Variants in GNPTAB observed in about 807,000 individuals in gnomAD.
GNPTAB encodes N-acetylglucosamine-1-phosphate transferase subunits alpha and beta, also known as N-acetylglucosamine-1-phosphotransferase subunits alpha/beta.
GNPTAB carries 92 observed loss-of-function variants against 136.6 expected under a neutral mutation model. The observed-to-expected ratio is 0.67, with a 90% CI of 0.57 to 0.80. GNPTAB has a LOEUF of 0.80. GNPTAB is among the 30% of genes least tolerant of loss of function. GNPTAB has a pLI of 0.00. For synonymous variants in GNPTAB, 512 were observed against 535.1 expected (o/e 0.96, Z 0.60); for missense variants, 1,343 against 1,501.8 (o/e 0.89, Z 1.75).
In GNPTAB at chr12:101,764,247, G is replaced by A. The variant is rs768648656; in HGVS notation, c.2670C>T (p.Gly890=). The A allele has an allele frequency of 9.3e-6, 15 of 1,613,912 alleles. No homozygotes were observed. Among genetic ancestry groups the A allele is most frequent in the Non-Finnish European group, 1.3e-5 (15 of 1,179,982 alleles). Residue 890 remains glycine (G), a synonymous_variant, in exon 13 of 21, where the codon GGC becomes GGT. Transcript: ENST00000299314. ...KLQHYTDSYL[G]FLPWEKKKYF... ...ACTTTTTTTTCTCCCATGGCAAAAA[G>A]CCCAAGTAACTATCTGTGTAATGCT...
chr12:101,796,080 C>T (rs1256022809), intron 2 of GNPTAB: 1 of 598,344 alleles, frequency 1.7e-6, no homozygotes, highest in Non-Finnish European at 3.0e-6. Context: ...TTGCTCCTCC[C>T]TCATAGGTAA....
chr12:101,830,326 TA>T, intron 1 of GNPTAB, among the ~76,000 whole-genome samples: 2 of 152,304 alleles, frequency 1.3e-5, no homozygotes, highest in Admixed American at 1.3e-4. Context: ...ACGTTTATGA[TA>T]AAGAATACTG....
At chr12:101,760,736 T>C (rs1214003508) in intron 15 of GNPTAB, among the ~76,000 whole-genome samples, 2 of 151,828 alleles carry the variant, frequency 1.3e-5, no homozygotes, top group East Asian at 1.9e-4. Context: ...TAAATTAAAA[T>C]ACGTAGGGGA....
chr12:101,824,432 A>ATATATATATATATT (rs1188582277), intron 1 of GNPTAB, among the ~76,000 whole-genome samples: 4 of 50,870 alleles, frequency 7.9e-5, no homozygotes, highest in African/African-American at 1.7e-4. Context: ...ATATATATAT[A>ATATATATATATATT]TTTTCTTTTT....
intron 2 of GNPTAB, among the ~76,000 whole-genome samples, chr12:101,794,156 T>C (rs1319512617): frequency 6.6e-6 from 1 of 152,200 alleles, no homozygotes; most frequent in South Asian, 2.1e-4. Flanking sequence ...AATAGTATTT[T>C]AGAACCAAAG....
At chr12:101,752,675 G>A (rs1221808934) in intron 19 of GNPTAB, among the ~76,000 whole-genome samples, 1 of 152,144 alleles carries the variant, frequency 6.6e-6, no homozygotes, top group Non-Finnish European at 1.5e-5. Flanking sequence ...CCACTTCTGA[G>A]ATTCTGCCTT....
intron 2 of GNPTAB, 148 bp from the exon 3 acceptor site, chr12:101,790,205 T>C: frequency 9.2e-7 from 1 of 1,089,600 alleles, no homozygotes; most frequent in African/African-American, 1.6e-5. Flanking sequence ...GAACTGCATG[T>C]TTTCAAACTG....
intron 1 of GNPTAB, among the ~76,000 whole-genome samples, chr12:101,818,461 TC>T: frequency 6.9e-6 from 1 of 144,970 alleles, no homozygotes; most frequent in Non-Finnish European, 1.5e-5. Flanking sequence ...CACCACAACC[TC>T]CATCTCCCAG....
rs1429557647 is a variant in GNPTAB, at chr12:101,830,795, C to G, written c.-120G>C. The G allele has an allele frequency of 2.2e-6, 1 of 446,082 alleles. No individual in the cohort carries two copies. The highest frequency in any genetic ancestry group is 4.7e-5 in the East Asian group (1 of 21,320). 27.6% of individuals were successfully genotyped at this position (446,082 alleles called of 1,614,324 possible). A position where few individuals can be genotyped will look rare whatever the true frequency, so the allele number is the denominator to read the frequency against. On this transcript the variant is annotated 5_prime_UTR_variant, in exon 1 of 21. Coordinates refer to ENST00000299314, the MANE Select transcript of GNPTAB (RefSeq NM_024312.5). ...GCCGCCGCGCGCAGGTCACAGCCTC[C>G]GGGCGCCGCTCATTGCAGCTCCGGC...
In GNPTAB at chr12:101,777,185, G is replaced by A. The variant is rs1289262782; in HGVS notation, c.771+2967C>T. On this transcript the variant is annotated intron_variant, in intron 7 of 20. Transcript: ENST00000299314. ...TGAGTGTTTCTCTCAGATGCTTCTG[G>A]AACCATTTCCATCGTTGGCATCCCA... Among the ~76,000 whole-genome samples the A allele has an allele frequency of 2.6e-5, 4 of 152,142 alleles. No homozygotes were observed. In the East Asian group the frequency reaches 7.7e-4, roughly 29 times the overall value.
intron 1 of GNPTAB, among the ~76,000 whole-genome samples, chr12:101,806,521 A>G (rs975326222): frequency 6.6e-6 from 1 of 152,212 alleles, no homozygotes; most frequent in African/African-American, 2.4e-5. Context: ...AACTAATGCC[A>G]CTGAGTTATA....
chr12:101,814,034 G>A (rs1299650280), intron 1 of GNPTAB, among the ~76,000 whole-genome samples: 3 of 150,754 alleles, frequency 2.0e-5, no homozygotes, highest in African/African-American at 4.9e-5. Context: ...AGCCGAGATC[G>A]CACCACTGCA....
At chr12:101,756,506 C>A in intron 18 of GNPTAB, 1 of 392,160 alleles carries the variant, frequency 2.5e-6, no homozygotes, top group Non-Finnish European at 5.0e-6. Context: ...CCCACGAGGT[C>A]GAGGCTACAG....
Position 101,766,107 on chromosome 12 carries a change from A to G in GNPTAB, c.1596T>C (p.Ala532=), listed in dbSNP as rs1275023865. Residue 532 remains alanine (A), a synonymous_variant, in exon 12 of 21, where the codon GCT becomes GCC. Coordinates refer to ENST00000299314, the MANE Select transcript of GNPTAB (RefSeq NM_024312.5). ...TAAACATACCTTGCCCACAGTCGCC[A>G]GCATCAAACCCACAGGACAAGACAT... ...ACNVLSCGFD[A]GDCGQDHFHE... 6.2e-6 allele frequency: 10 copies of G among 1,613,970 alleles called. No individual in the cohort carries two copies. Among genetic ancestry groups the G allele is most frequent in the African/African-American group, 2.7e-5 (2 of 74,912 alleles).
intron 12 of GNPTAB, chr12:101,765,572 T>C (rs1271650065): frequency 4.3e-6 from 2 of 465,082 alleles, no homozygotes; most frequent in Non-Finnish European, 7.8e-6. Context: ...AATACAACAG[T>C]TACTGGTATA....
chr12:101,787,005 A>G (rs911559702), intron 4 of GNPTAB, among the ~76,000 whole-genome samples: 15 of 152,236 alleles, frequency 9.9e-5, no homozygotes, highest in African/African-American at 3.6e-4. Context: ...ATCTTTTGGG[A>G]AAGCAAGTTG....
At chr12:101,762,163 G>A (rs971903036) in intron 13 of GNPTAB, among the ~76,000 whole-genome samples, 12 of 152,196 alleles carry the variant, frequency 7.9e-5, no homozygotes, top group African/African-American at 2.9e-4. Flanking sequence ...AAATGTGCAA[G>A]TCCTTGAGTT....
intron 1 of GNPTAB, among the ~76,000 whole-genome samples, chr12:101,826,678 A>G (rs896145976): frequency 2.6e-5 from 4 of 152,108 alleles, no homozygotes; most frequent in African/African-American, 4.8e-5. Flanking sequence ...ACTTGTATAT[A>G]AATGGTTCGA....
chr12:101,809,467 C>A (rs1397613085), intron 1 of GNPTAB, among the ~76,000 whole-genome samples: 3 of 152,166 alleles, frequency 2.0e-5, no homozygotes, highest in African/African-American at 7.2e-5. Context: ...AAAACCTGCA[C>A]ATAAACGTAT....
Sources: allele counts gnomAD v4.1 joint callset (sites outside exome capture counted in the v4.1 genomes callset), GRCh38; gene constraint gnomAD v4.1.1; transcripts MANE v1.5; gene names NCBI Gene and HGNC (gene_info 2026-07-23, HGNC 2026-07-21).